The following THAP11 variants were observed in gnomAD, a reference collection of about 807,000 sequenced individuals.
The protein encoded by THAP11 is THAP domain containing 11.
Under a neutral mutation model 24.1 loss-of-function variants are expected in THAP11, and 8 were observed. The observed-to-expected ratio is 0.33, with a 90% CI of 0.20 to 0.60. THAP11 has a LOEUF of 0.60. THAP11 is among the 20% of genes least tolerant of loss of function. The pLI is 0.82. For synonymous variants in THAP11, 222 were observed against 180.2 expected, an observed-to-expected ratio of 1.23 and a Z score of -1.86; for missense variants, 276 against 418.4, an observed-to-expected ratio of 0.66 and a Z score of 2.97.
In THAP11 at chr16:67,842,563, C is replaced by T. The variant is rs79492531; in HGVS notation, c.9C>T (p.Gly3=). The T allele has an allele frequency of 2.0e-6, 3 of 1,531,788 alleles. No homozygotes were observed. Among genetic ancestry groups the T allele is most frequent in the East Asian group, 2.5e-5 (1 of 40,582 alleles). The allele number at this position is 1,531,788 out of a possible 1,614,324, so 94.9% of individuals were successfully genotyped here. MP[G]FTCCVPGCYN... ...GGCCGCGCGGCGCAGCCATGCCTGG[C>T]TTTACGTGCTGCGTGCCAGGCTGCT... Residue 3 remains glycine (G), a synonymous_variant, in exon 1 of 1, where the codon GGC becomes GGT. Coordinates refer to ENST00000303596, the MANE Select transcript of THAP11 (RefSeq NM_020457.3). This position sits in a 1 kb window ranked among gnomAD's most constrained non-coding sequence, Gnocchi z 4.9.
At position 67,843,479 on chromosome 16, in the gene THAP11, C is replaced by T. The variant is rs2057778817; in HGVS notation, c.925C>T (p.Arg309Cys). Residue 309 changes from arginine (R) to cysteine (C), a missense_variant, in exon 1 of 1, where the codon CGC (arginine) becomes TGC (cysteine). Transcript: ENST00000303596. The surrounding 1 kb of genome is among the most constrained non-coding windows in gnomAD (Gnocchi z 5.7). ...KDRLLAMAVIRKKHGM is the reference protein window; with the variant it reads ...KDRLLAMAVICKKHGM ...TCGGCTGCTTGCCATGGCTGTCATC[C>T]GCAAGAAGCACGGAATGTGAACTGG... The T allele has an allele frequency of 5.6e-6, 9 of 1,611,134 alleles. No homozygotes were observed. The highest frequency in any genetic ancestry group is 7.6e-6 in the Non-Finnish European group (9 of 1,178,460).
In THAP11 at chr16:67,842,581, A is replaced by G. The variant is rs1194447777; in HGVS notation, c.27A>G (p.Pro9=). 6.5e-7 allele frequency: 1 copy of G among 1,543,616 alleles called. No homozygotes were observed. The highest frequency in any genetic ancestry group is 8.8e-7 in the Non-Finnish European group (1 of 1,142,384). Residue 9 remains proline, a synonymous_variant, in exon 1 of 1, where the codon CCA becomes CCG. Coordinates refer to ENST00000303596, the MANE Select transcript of THAP11 (RefSeq NM_020457.3). The surrounding 1 kb of genome is among the most constrained non-coding windows in gnomAD (Gnocchi z 4.9). ...TGCCTGGCTTTACGTGCTGCGTGCC[A>G]GGCTGCTACAACAACTCGCACCGGG... MPGFTCCV[P]GCYNNSHRDK...
In THAP11 at chr16:67,842,923, G is replaced by GCAGCAGCAA. The variant is rs2057774356; in HGVS notation, c.377_378insACAGCAGCA (p.Gln130_Gln132dup). On this transcript the variant is annotated inframe_insertion, in exon 1 of 1. Coordinates refer to ENST00000303596, the MANE Select transcript of THAP11 (RefSeq NM_020457.3). The surrounding 1 kb of genome is among the most constrained non-coding windows in gnomAD (Gnocchi z 4.9). ...AGCAACAGCAGCAGCAGCAGCAACA[G>GCAGCAGCAA]CAGCAGCAGCAGCAGCAGCAGCAGC... 1.6e-5 allele frequency: 11 copies of GCAGCAGCAA among 705,544 alleles called. No individual in the cohort carries two copies. Among genetic ancestry groups the GCAGCAGCAA allele is most frequent in the East Asian group, 1.0e-4 (2 of 19,232 alleles). 43.7% of individuals were successfully genotyped at this position (705,544 alleles called of 1,614,324 possible).
Position 67,842,952 on chromosome 16 carries a change from C to T in THAP11, c.398C>T (p.Ser133Phe), listed in dbSNP as rs1377926600. The T allele has an allele frequency of 2.5e-6, 4 of 1,601,256 alleles. No homozygotes were observed. Among genetic ancestry groups the T allele is most frequent in the Non-Finnish European group, 3.4e-6 (4 of 1,173,618 alleles). The change falls in exon 1 of 1, where the codon TCC becomes TTC. Residue 133 changes from serine (S) to phenylalanine (F), a missense_variant. Physicochemically the swap from Ser to Phe is radical, Grantham distance 155. Transcript: ENST00000303596. This position sits in a 1 kb window ranked among gnomAD's most constrained non-coding sequence, Gnocchi z 4.9. ...CAGCAGCAGCAGCAGCAGCAGCAGT[C>T]CTCACCCTCTGCCTCCACTGCCCAG... ...QQQQQQQQQQ[S>F]SPSASTAQTA...
At position 67,844,064 on chromosome 16, in the gene THAP11, T is replaced by C. The variant is rs1247962626; in HGVS notation, c.*565T>C. 6.0e-6 allele frequency: 1 copy of C among 167,236 alleles called. No homozygotes were observed. The highest frequency in any genetic ancestry group is 2.4e-5 in the African/African-American group (1 of 41,472). The allele number at this position is 167,236 out of a possible 1,614,324, so 10.4% of individuals were successfully genotyped here. A position where few individuals can be genotyped will look rare whatever the true frequency, so the allele number is the denominator to read the frequency against. ...GATGACCTGCTGATGGAGATCCAGC[T>C]TGCCAGGGACTTAGGTTTATCCTGT... On this transcript the variant is annotated 3_prime_UTR_variant, in exon 1 of 1. Transcript: ENST00000303596.
Position 67,842,474 on chromosome 16 carries a change from A to C in THAP11, c.-81A>C. 5.5e-6 allele frequency: 6 copies of C among 1,093,942 alleles called. No individual in the cohort carries two copies. The highest frequency in any genetic ancestry group is 3.5e-5 in the East Asian group (1 of 28,362). 67.8% of individuals were successfully genotyped at this position (1,093,942 alleles called of 1,614,324 possible). On this transcript the variant is annotated 5_prime_UTR_variant, in exon 1 of 1. Coordinates refer to ENST00000303596, the MANE Select transcript of THAP11 (RefSeq NM_020457.3). This position sits in a 1 kb window ranked among gnomAD's most constrained non-coding sequence, Gnocchi z 4.9. ...AGGCCTCGCGCGGCGCCGCCCGTCG[A>C]GGGGCGGGCGGCGGCGTAGCCACTG...
In THAP11 at chr16:67,842,514, G is replaced by C; in HGVS notation, c.-41G>C. On this transcript the variant is annotated 5_prime_UTR_variant, in exon 1 of 1. Coordinates refer to ENST00000303596, the MANE Select transcript of THAP11 (RefSeq NM_020457.3). This position sits in a 1 kb window ranked among gnomAD's most constrained non-coding sequence, Gnocchi z 4.9. ...CGTAGCCACTGGGCCGTCGAAGAGC[G>C]CAGGAGGCCGGTGGGCCGGGCCGGG... 1 of 1,461,178 alleles carries C rather than the reference G, an allele frequency of 6.8e-7. No individual in the cohort carries two copies. The highest frequency in any genetic ancestry group is 2.5e-5 in the East Asian group (1 of 39,762). 90.5% of individuals were successfully genotyped at this position (1,461,178 alleles called of 1,614,324 possible).
chr16:67,843,788 G>C lies in THAP11; in HGVS notation c.*289G>C, dbSNP rs1598151454. Reference sequence around the variant, plus strand: ...CAGAGGCTTCAGAACCACTGAACTTGAAACTTACCCTCTAGGGATGCAGGT... The same window carrying C: ...CAGAGGCTTCAGAACCACTGAACTTCAAACTTACCCTCTAGGGATGCAGGT... On this transcript the variant is annotated 3_prime_UTR_variant, in exon 1 of 1. Coordinates refer to ENST00000303596, the MANE Select transcript of THAP11 (RefSeq NM_020457.3). This position sits in a 1 kb window ranked among gnomAD's most constrained non-coding sequence, Gnocchi z 5.7. The C allele has an allele frequency of 7.5e-6, 3 of 398,422 alleles. No individual in the cohort carries two copies. The East Asian group carries it at 1.4e-4, about 18-fold the overall frequency. The allele number at this position is 398,422 out of a possible 1,614,324, so 24.7% of individuals were successfully genotyped here.
Position 67,843,038 on chromosome 16 carries a change from G to A in THAP11, c.484G>A (p.Ala162Thr), listed in dbSNP as rs767641843. 2 of 1,612,380 alleles carry A rather than the reference G, an allele frequency of 1.2e-6. No homozygotes were observed. Among genetic ancestry groups the A allele is most frequent in the East Asian group, 2.2e-5 (1 of 44,888 alleles). ...ASAAVLLTLQ[A>T]TVDSSQAPGS... Reference sequence around the variant, plus strand: ...CGCGGCCGTGCTTCTCACCCTTCAGGCCACTGTAGACAGCAGTCAGGCTCC... The same window carrying A: ...CGCGGCCGTGCTTCTCACCCTTCAGACCACTGTAGACAGCAGTCAGGCTCC... Residue 162 changes from alanine to threonine, a missense_variant, in exon 1 of 1, where the codon GCC (alanine) becomes ACC (threonine). Ala to Thr is a moderately conservative substitution (Grantham distance 58). Transcript: ENST00000303596. The surrounding 1 kb of genome is among the most constrained non-coding windows in gnomAD (Gnocchi z 5.7).
At position 67,842,935 on chromosome 16, in the gene THAP11, G is replaced by GCAGCAGCAGCAA. The variant is rs771495140; in HGVS notation, c.392_393insACAGCAGCAGCA (p.Gln129_Gln132dup). The GCAGCAGCAGCAA allele has an allele frequency of 2.6e-5, 41 of 1,607,160 alleles. No homozygotes were observed. Among genetic ancestry groups the GCAGCAGCAGCAA allele is most frequent in the Non-Finnish European group, 3.2e-5 (38 of 1,177,474 alleles). On this transcript the variant is annotated inframe_insertion, in exon 1 of 1. Transcript: ENST00000303596. This position sits in a 1 kb window ranked among gnomAD's most constrained non-coding sequence, Gnocchi z 4.9. ...AGCAGCAGCAACAGCAGCAGCAGCA[G>GCAGCAGCAGCAA]CAGCAGCAGCAGCAGTCCTCACCCT...
chr16:67,843,687 C>T lies in THAP11; in HGVS notation c.*188C>T. The T allele has an allele frequency of 1.7e-6, 1 of 603,748 alleles. No homozygotes were observed. The highest frequency in any genetic ancestry group is 2.9e-6 in the Non-Finnish European group (1 of 341,558). 37.4% of individuals were successfully genotyped at this position (603,748 alleles called of 1,614,324 possible). A position where few individuals can be genotyped will look rare whatever the true frequency, so the allele number is the denominator to read the frequency against. On this transcript the variant is annotated 3_prime_UTR_variant, in exon 1 of 1. Transcript: ENST00000303596. This position sits in a 1 kb window ranked among gnomAD's most constrained non-coding sequence, Gnocchi z 5.7. ...CTGAAGTGGAAGCTGGGGCCTTAGA[C>T]TCTGCCCTGGTGACACCAGCAATTA...
chr16:67,843,683 TAG>T lies in THAP11; in HGVS notation c.*186_*187del. 1.6e-6 allele frequency: 1 copy of T among 612,618 alleles called. No homozygotes were observed. The highest frequency in any genetic ancestry group is 2.9e-6 in the Non-Finnish European group (1 of 348,118). The allele number at this position is 612,618 out of a possible 1,614,324, so 37.9% of individuals were successfully genotyped here. ...CCTCCTGAAGTGGAAGCTGGGGCCT[TAG>T]ACTCTGCCCTGGTGACACCAGCAAT... On this transcript the variant is annotated 3_prime_UTR_variant, in exon 1 of 1. Coordinates refer to ENST00000303596, the MANE Select transcript of THAP11 (RefSeq NM_020457.3). The surrounding 1 kb of genome is among the most constrained non-coding windows in gnomAD (Gnocchi z 5.7).
At position 67,842,468 on chromosome 16, in the gene THAP11, C is replaced by T. The variant is rs1419654108; in HGVS notation, c.-87C>T. 1.1e-4 allele frequency: 118 copies of T among 1,118,212 alleles called. No individual in the cohort carries two copies. Among genetic ancestry groups the T allele is most frequent in the Non-Finnish European group, 1.3e-4 (116 of 882,392 alleles). 69.3% of individuals were successfully genotyped at this position (1,118,212 alleles called of 1,614,324 possible). A position where few individuals can be genotyped will look rare whatever the true frequency, so the allele number is the denominator to read the frequency against. On this transcript the variant is annotated 5_prime_UTR_variant, in exon 1 of 1. Transcript: ENST00000303596. This position sits in a 1 kb window ranked among gnomAD's most constrained non-coding sequence, Gnocchi z 4.9. The stretch of plus-strand genomic sequence containing the variant: ...CACCCAAGGCCTCGCGCGGCGCCGC[C>T]CGTCGAGGGGCGGGCGGCGGCGTAG...
Position 67,842,665 on chromosome 16 carries a change from C to T in THAP11, c.111C>T (p.Leu37=). ...PKDAELRRLW[L]KNVSRAGVSG... ...ACGCTGAGTTGCGGCGCCTCTGGCT[C>T]AAGAACGTGTCGCGTGCCGGCGTCA... The change falls in exon 1 of 1, where the codon CTC becomes CTT. Residue 37 remains leucine (L), a synonymous_variant. Coordinates refer to ENST00000303596, the MANE Select transcript of THAP11 (RefSeq NM_020457.3). This position sits in a 1 kb window ranked among gnomAD's most constrained non-coding sequence, Gnocchi z 4.9. The T allele has an allele frequency of 1.3e-6, 2 of 1,570,038 alleles. No homozygotes were observed. The highest frequency in any genetic ancestry group is 8.6e-7 in the Non-Finnish European group (1 of 1,156,878).
At position 67,844,194 on chromosome 16, in the gene THAP11, T is replaced by C. The variant is rs1228586344; in HGVS notation, c.*695T>C. 6.0e-6 allele frequency: 1 copy of C among 166,664 alleles called. No individual in the cohort carries two copies. The highest frequency in any genetic ancestry group is 2.4e-5 in the African/African-American group (1 of 41,464). The allele number at this position is 166,664 out of a possible 1,614,324, so 10.3% of individuals were successfully genotyped here. ...CAAATTAAACAAAAAGTAAGGTTTT[T>C]ATTTGGGTCTCGCCATTTTATTTTT... is the stretch of plus-strand genomic sequence containing the variant. On this transcript the variant is annotated 3_prime_UTR_variant, in exon 1 of 1. Transcript: ENST00000303596.
rs746521528 is a variant in THAP11, at chr16:67,842,869, GCAGCAA to G, written c.321_326del (p.Gln131_Gln132del). ...CCGCGGCCGCCCGCCGCAGGCAGCA[GCAGCAA>G]CAGCAGCAGCAGCAGCAACAGCAGC... On this transcript the variant is annotated inframe_deletion, in exon 1 of 1. Transcript: ENST00000303596. This position sits in a 1 kb window ranked among gnomAD's most constrained non-coding sequence, Gnocchi z 4.9. The G allele has an allele frequency of 1.7e-5, 27 of 1,604,432 alleles. No individual in the cohort carries two copies. Among genetic ancestry groups the G allele is most frequent in the Middle Eastern group, 1.7e-4 (1 of 5,910 alleles).
In THAP11 at chr16:67,842,905, G is replaced by GCAGCAGCAGCAGCAA. The variant is rs751220963; in HGVS notation, c.366_380dup (p.Gln128_Gln132dup). 13 of 1,559,792 alleles carry GCAGCAGCAGCAGCAA rather than the reference G, an allele frequency of 8.3e-6. No homozygotes were observed. Among genetic ancestry groups the GCAGCAGCAGCAGCAA allele is most frequent in the African/African-American group, 4.6e-5 (3 of 65,788 alleles). On this transcript the variant is annotated inframe_insertion, in exon 1 of 1. Coordinates refer to ENST00000303596, the MANE Select transcript of THAP11 (RefSeq NM_020457.3). This position sits in a 1 kb window ranked among gnomAD's most constrained non-coding sequence, Gnocchi z 4.9. ...AGCAGCAGCAGCAACAGCAGCAACA[G>GCAGCAGCAGCAGCAA]CAGCAGCAGCAGCAACAGCAGCAGC...
rs1386381813 is a variant in THAP11 at position 67,842,382 on chromosome 16, G to C, written c.-173G>C. The stretch of plus-strand genomic sequence containing the variant: ...GCGGCGCGGCGCGGGCCGGCAGGAA[G>C]CGTATTCTGGGCACGGGGCGCCGGG... On this transcript the variant is annotated 5_prime_UTR_variant, in exon 1 of 1. Coordinates refer to ENST00000303596, the MANE Select transcript of THAP11 (RefSeq NM_020457.3). The surrounding 1 kb of genome is among the most constrained non-coding windows in gnomAD (Gnocchi z 4.9). 3.3e-6 allele frequency: 1 copy of C among 301,732 alleles called. No homozygotes were observed. The highest frequency in any genetic ancestry group is 9.2e-5 in the East Asian group (1 of 10,820). 18.7% of individuals were successfully genotyped at this position (301,732 alleles called of 1,614,324 possible). A position where few individuals can be genotyped will look rare whatever the true frequency, so the allele number is the denominator to read the frequency against.
Position 67,842,957 on chromosome 16 carries a change from C to G in THAP11, c.403C>G (p.Pro135Ala), listed in dbSNP as rs569644247. 3.1e-6 allele frequency: 5 copies of G among 1,611,898 alleles called. No individual in the cohort carries two copies. The highest frequency in any genetic ancestry group is 4.2e-6 in the Non-Finnish European group (5 of 1,180,014). ...QQQQQQQQSSPSASTAQTAQL... is the reference protein window; with the variant it reads ...QQQQQQQQSSASASTAQTAQL... ...GCAGCAGCAGCAGCAGCAGTCCTCA[C>G]CCTCTGCCTCCACTGCCCAGACTGC... is the stretch of plus-strand genomic sequence containing the variant. Residue 135 changes from proline to alanine, a missense_variant, in exon 1 of 1, where the codon CCC (proline) becomes GCC (alanine). Physicochemically the swap from Pro to Ala is conservative, Grantham distance 27 (BLOSUM62 -1). Around this residue, in one of 3 missense-constraint regions of THAP11, gnomAD observed 210 missense variants for 203.4 expected, o/e 1.03. Transcript: ENST00000303596. This position sits in a 1 kb window ranked among gnomAD's most constrained non-coding sequence, Gnocchi z 4.9.
Sources: gnomAD v4.1 joint callset for allele counts on GRCh38, gnomAD v4.1.1 for gene constraint, gnomAD v4.1.1 regional missense constraint, Gnocchi (gnomAD v3.1) non-coding constraint, MANE v1.5 for transcripts, NCBI Gene and HGNC (gene_info 2026-07-23, HGNC 2026-07-21) for gene names.